SLC9A9: variants seen among roughly 807,000 people sequenced by gnomAD.
The protein encoded by SLC9A9 is solute carrier family 9 member A9.
SLC9A9 carries 62 observed loss-of-function variants against 77.8 expected under a neutral mutation model. That is an observed-to-expected ratio of 0.80 (90% CI 0.65 to 0.98). SLC9A9 has a LOEUF of 0.98. Among genes scored for constraint, SLC9A9 ranks in the 50% least tolerant of loss-of-function variants. SLC9A9 has a pLI of 0.00. For missense variants in SLC9A9, 775 were observed against 774.9 expected, an observed-to-expected ratio of 1.00 and a Z score of 0.00; for synonymous variants, 320 against 283.5, an observed-to-expected ratio of 1.13 and a Z score of -1.29.
At chr3:143,735,688 T>C (rs922476485) in intron 4 of SLC9A9, among the ~76,000 whole-genome samples, 7 of 152,260 alleles carry the variant, frequency 4.6e-5, no homozygotes, top group African/African-American at 1.2e-4. Flanking sequence ...AGTCTTTGAA[T>C]GACTAATTTG....
intron 4 of SLC9A9, among the ~76,000 whole-genome samples, chr3:143,767,626 A>T (rs774890367): frequency 2.0e-5 from 3 of 152,156 alleles, no homozygotes; most frequent in Non-Finnish European, 4.4e-5. Context: ...CTTTAAGTAC[A>T]GTCTTGTTTC....
intron 8 of SLC9A9, among the ~76,000 whole-genome samples, chr3:143,553,677 A>C (rs972579474): frequency 6.6e-6 from 1 of 152,222 alleles, no homozygotes; most frequent in Non-Finnish European, 1.5e-5. Flanking sequence ...TATTTGCATA[A>C]ATGTGTAAAA....
At chr3:143,704,995 A>ATATATATC (rs1553782452) in intron 4 of SLC9A9, among the ~76,000 whole-genome samples, 3 of 116,010 alleles carry the variant, frequency 2.6e-5, no homozygotes, top group African/African-American at 9.9e-5. Context: ...TCCATCTCAA[A>ATATATATC]TATCTATCTA....
chr3:143,665,802 T>C (rs185383105), intron 5 of SLC9A9, among the ~76,000 whole-genome samples: 11 of 152,286 alleles, frequency 7.2e-5, no homozygotes, highest in African/African-American at 1.4e-4. Flanking sequence ...AATCCATGAA[T>C]AGACCAATAA....
At chr3:143,552,692 A>C (rs1294553032) in intron 8 of SLC9A9, among the ~76,000 whole-genome samples, 3 of 152,222 alleles carry the variant, frequency 2.0e-5, no homozygotes, top group African/African-American at 7.2e-5. Flanking sequence ...CATGAGAAGT[A>C]GATTCTTCCT....
chr3:143,267,020 G>A, intron 15 of SLC9A9, 91 bp from the exon 16 acceptor site: 1 of 1,180,512 alleles, frequency 8.5e-7, no homozygotes, highest in Non-Finnish European at 1.2e-6. Flanking sequence ...TAAACAGAAT[G>A]CATGTTTTCC....
At chr3:143,382,768 A>G (rs1465895592) in intron 12 of SLC9A9, among the ~76,000 whole-genome samples, 8 of 152,250 alleles carry the variant, frequency 5.3e-5, no homozygotes, top group Non-Finnish European at 1.2e-4. Context: ...AAACATTTTA[A>G]TTAATTAGCT....
chr3:143,802,688 C>G (rs780098507), intron 2 of SLC9A9, among the ~76,000 whole-genome samples: 2 of 152,146 alleles, frequency 1.3e-5, no homozygotes, highest in Admixed American at 1.3e-4. Flanking sequence ...TTCAGTGGAA[C>G]CTTCAAATCC....
chr3:143,652,788 C>CAA (rs1162707262), intron 5 of SLC9A9, among the ~76,000 whole-genome samples: 1 of 137,024 alleles, frequency 7.3e-6, no homozygotes. Flanking sequence ...TACACACACA[C>CAA]ACACACACAC....
At chr3:143,386,358 C>T (rs1023592909) in intron 12 of SLC9A9, among the ~76,000 whole-genome samples, 2 of 152,178 alleles carry the variant, frequency 1.3e-5, no homozygotes, top group African/African-American at 4.8e-5. Context: ...TGTAGTTGTT[C>T]AAGGGTCAGT....
At chr3:143,793,642 G>C (rs956930487) in intron 4 of SLC9A9, among the ~76,000 whole-genome samples, 6 of 152,200 alleles carry the variant, frequency 3.9e-5, no homozygotes, top group South Asian at 2.1e-4. Flanking sequence ...GAGGGTGAAG[G>C]CCTGCTGGAT....
intron 5 of SLC9A9, among the ~76,000 whole-genome samples, chr3:143,689,992 TAAAAC>T (rs1052285405): frequency 3.3e-5 from 5 of 151,818 alleles, no homozygotes; most frequent in African/African-American, 1.2e-4. Flanking sequence ...AAAAATAAAA[TAAAAC>T]AAATGAACAT....
At chr3:143,673,279 A>G (rs926651802) in intron 5 of SLC9A9, among the ~76,000 whole-genome samples, 1 of 152,152 alleles carries the variant, frequency 6.6e-6, no homozygotes. Flanking sequence ...TCATACAGGG[A>G]AAACCCCACC....
intron 4 of SLC9A9, among the ~76,000 whole-genome samples, chr3:143,762,029 A>C (rs1031253265): frequency 3.9e-5 from 6 of 152,226 alleles, no homozygotes; most frequent in African/African-American, 1.4e-4. Context: ...GGATGGGTTC[A>C]TGTCCTTTGT....
chr3:143,455,298 T>C (rs962220238), intron 12 of SLC9A9, among the ~76,000 whole-genome samples: 1 of 152,242 alleles, frequency 6.6e-6, no homozygotes, highest in African/African-American at 2.4e-5. Context: ...TTTGTCAATA[T>C]CACATTTTTT....
chr3:143,459,222 G>T (rs1214078491), intron 12 of SLC9A9, among the ~76,000 whole-genome samples: 1 of 151,388 alleles, frequency 6.6e-6, no homozygotes, highest in Non-Finnish European at 1.5e-5. Flanking sequence ...TCCAATATAT[G>T]TGTCCATACT....
intron 12 of SLC9A9, among the ~76,000 whole-genome samples, chr3:143,425,693 T>G (rs1431245550): frequency 5.3e-5 from 8 of 152,196 alleles, no homozygotes; most frequent in African/African-American, 1.9e-4. Flanking sequence ...CTAATCAAAT[T>G]CAGTTTCAAG....
chr3:143,372,299 T>A (rs539336721), intron 13 of SLC9A9, among the ~76,000 whole-genome samples: 1 of 152,178 alleles, frequency 6.6e-6, no homozygotes, highest in Non-Finnish European at 1.5e-5. Flanking sequence ...ATCACATTAC[T>A]GGACTTCCAA....
intron 12 of SLC9A9, among the ~76,000 whole-genome samples, chr3:143,422,483 G>T (rs140529779): frequency 6.6e-6 from 1 of 152,144 alleles, no homozygotes; most frequent in African/African-American, 2.4e-5. Flanking sequence ...CATCCTTAGC[G>T]AGTTAACATA....
Sources: gnomAD v4.1 joint callset for allele counts (sites outside exome capture counted in the v4.1 genomes callset) on GRCh38, gnomAD v4.1.1 for gene constraint, MANE v1.5 for transcripts, NCBI Gene and HGNC (gene_info 2026-07-23, HGNC 2026-07-21) for gene names.